MAF: variants seen among roughly 807,000 people sequenced by gnomAD.
The protein encoded by MAF is transcription factor Maf.
In MAF, 10 loss-of-function variants were observed where a neutral mutation model predicts 22.0. That is an observed-to-expected ratio of 0.45 (90% CI 0.28 to 0.77). The LOEUF (loss-of-function observed/expected upper bound fraction) is 0.77. Among genes scored for constraint, MAF ranks in the 30% least tolerant of loss-of-function variants. The probability of loss-of-function intolerance (pLI) is 0.12; values close to 1 mark genes in which losing one functional copy is unlikely to be tolerated. For synonymous variants in MAF, 337 were observed against 255.8 expected (o/e 1.32, Z -3.03); for missense variants, 544 against 548.4 (o/e 0.99, Z 0.08).
the MAF span, among the ~76,000 whole-genome samples, chr16:79,224,045 G>A: frequency 6.6e-6 from 1 of 152,142 alleles, no homozygotes; most frequent in African/African-American, 2.4e-5. Context: ...AAACCTGGCA[G>A]AGACACAACA....
At chr16:79,327,608 G>A in the MAF span, among the ~76,000 whole-genome samples, 1 of 152,144 alleles carries the variant, frequency 6.6e-6, no homozygotes, top group Non-Finnish European at 1.5e-5. Flanking sequence ...TAACTAAGGT[G>A]GAAATAGTGT....
the MAF span, among the ~76,000 whole-genome samples, chr16:79,500,533 T>G: frequency 6.6e-6 from 1 of 152,132 alleles, no homozygotes; most frequent in Non-Finnish European, 1.5e-5. Flanking sequence ...CCTTCTTCTC[T>G]CTAAGCCACT....
At chr16:79,514,221 G>T in the MAF span, among the ~76,000 whole-genome samples, 3 of 152,246 alleles carry the variant, frequency 2.0e-5, no homozygotes, top group Non-Finnish European at 2.9e-5. Flanking sequence ...TCTATTCATA[G>T]TGGAGTCGCT....
the MAF span, among the ~76,000 whole-genome samples, chr16:79,466,616 G>C: frequency 6.6e-6 from 1 of 152,208 alleles, no homozygotes; most frequent in African/African-American, 2.4e-5. Context: ...GGTCAGCAAA[G>C]ATTTTTGGAA....
At chr16:79,498,360 C>T in the MAF span, among the ~76,000 whole-genome samples, 1 of 152,144 alleles carries the variant, frequency 6.6e-6, no homozygotes. Context: ...TACTTATGGG[C>T]ACTAAAATTT....
At chr16:79,563,063 A>T in the MAF span, among the ~76,000 whole-genome samples, 2 of 152,162 alleles carry the variant, frequency 1.3e-5, no homozygotes, top group Non-Finnish European at 2.9e-5. Context: ...CTAGGCTTGC[A>T]CTAGGTGGTT....
chr16:79,506,401 G>A, the MAF span, among the ~76,000 whole-genome samples: 1 of 152,184 alleles, frequency 6.6e-6, no homozygotes, highest in African/African-American at 2.4e-5. Context: ...ACCTCAGAGT[G>A]TGTGCCCATG....
chr16:79,253,613 C>T, the MAF span, among the ~76,000 whole-genome samples: 5 of 152,058 alleles, frequency 3.3e-5, no homozygotes, highest in Non-Finnish European at 7.4e-5. Flanking sequence ...GTCACATACA[C>T]ATCTGATAAC....
the MAF span, among the ~76,000 whole-genome samples, chr16:79,263,166 C>T: frequency 6.6e-6 from 1 of 152,166 alleles, no homozygotes; most frequent in African/African-American, 2.4e-5. Flanking sequence ...TCTCATTGAA[C>T]TTATAACCCT....
chr16:79,480,534 G>C, the MAF span, among the ~76,000 whole-genome samples: 1 of 152,102 alleles, frequency 6.6e-6, no homozygotes, highest in Non-Finnish European at 1.5e-5. Context: ...AAGGCCATTC[G>C]AGCTGGGCTT....
chr16:79,246,783 C>A, the MAF span, among the ~76,000 whole-genome samples: 14 of 152,124 alleles, frequency 9.2e-5, no homozygotes, highest in East Asian at 2.7e-3. Flanking sequence ...GAAAAAAGTC[C>A]AAGAGTGAGG....
chr16:79,276,402 T>C, the MAF span, among the ~76,000 whole-genome samples: 8 of 152,212 alleles, frequency 5.3e-5, no homozygotes, highest in Admixed American at 3.3e-4. Flanking sequence ...CAGCGTTCTG[T>C]GGCCACCATT....
chr16:79,276,453 C>G, the MAF span, among the ~76,000 whole-genome samples: 6 of 152,158 alleles, frequency 3.9e-5, no homozygotes, highest in African/African-American at 9.7e-5. Flanking sequence ...CTTAGGGACA[C>G]GTCTCCATTA....
chr16:79,588,092 C>T (rs573920358), intron 1 of MAF, among the ~76,000 whole-genome samples: 21 of 152,290 alleles, frequency 1.4e-4, no homozygotes, highest in Non-Finnish European at 2.8e-4. Flanking sequence ...ATCTGTTTAC[C>T]TAACAATTGA....
the MAF span, among the ~76,000 whole-genome samples, chr16:79,535,939 G>C: frequency 1.3e-5 from 2 of 152,202 alleles, no homozygotes; most frequent in African/African-American, 4.8e-5. Context: ...TGAAGTCAAG[G>C]ACAGAGTTGC....
chr16:79,401,952 G>T, the MAF span, among the ~76,000 whole-genome samples: 1 of 152,258 alleles, frequency 6.6e-6, no homozygotes, highest in Admixed American at 6.5e-5. Flanking sequence ...CCTTGAAAAT[G>T]GGATGCTATC....
At chr16:79,212,154 GCTACCACCA>G in the MAF span, 2 of 1,506,286 alleles carry the variant, frequency 1.3e-6, no homozygotes, top group Admixed American at 4.3e-5. Context: ...GTCCCATCCA[GCTACCACCA>G]CGGCCACCAC....
At chr16:79,455,877 G>T in the MAF span, among the ~76,000 whole-genome samples, 2 of 152,120 alleles carry the variant, frequency 1.3e-5, no homozygotes, top group Non-Finnish European at 2.9e-5. Flanking sequence ...AGTTAGCCGG[G>T]TGTGGAGGCG....
At chr16:79,547,519 A>C in the MAF span, among the ~76,000 whole-genome samples, 1 of 152,126 alleles carries the variant, frequency 6.6e-6, no homozygotes, top group Admixed American at 6.6e-5. Flanking sequence ...ACTTGATCTT[A>C]AAAATATACT....
Sources: allele counts gnomAD v4.1 joint callset (sites outside exome capture counted in the v4.1 genomes callset), GRCh38; gene constraint gnomAD v4.1.1; transcripts MANE v1.5; gene names NCBI Gene and HGNC (gene_info 2026-07-23, HGNC 2026-07-21).